FBXL6: variants seen among roughly 807,000 people sequenced by gnomAD.
FBXL6 encodes the protein F-box and leucine rich repeat protein 6.
FBXL6 carries 50 observed loss-of-function variants against 53.3 expected under a neutral mutation model. The ratio of observed to expected loss-of-function variants is 0.94; its 90% CI spans 0.75 to 1.19. The LOEUF (loss-of-function observed/expected upper bound fraction) is 1.19, where lower values mean the gene tolerates loss of function less well. Among genes scored for constraint, FBXL6 ranks in the 50% most tolerant of loss-of-function variants. The probability of loss-of-function intolerance (pLI) is 0.00; values close to 1 mark genes in which losing one functional copy is unlikely to be tolerated. For synonymous variants in FBXL6, 405 were observed against 322.9 expected, an observed-to-expected ratio of 1.25 and a Z score of -2.73; for missense variants, 815 against 719.0, an observed-to-expected ratio of 1.13 and a Z score of -1.53.
At position 144,357,649 on chromosome 8, in the gene FBXL6, A is replaced by G; in HGVS notation, c.554T>C (p.Leu185Pro). 6.2e-7 allele frequency: 1 copy of G among 1,610,176 alleles called. No homozygotes were observed. Among genetic ancestry groups the G allele is most frequent in the Non-Finnish European group, 8.5e-7 (1 of 1,178,258 alleles). Residue 185 changes from leucine (L) to proline (P), a missense_variant, in exon 2 of 9, where the codon CTG (leucine) becomes CCG (proline). Physicochemically the swap from Leu to Pro is moderately conservative, Grantham distance 98. Coordinates refer to ENST00000331890, the MANE Select transcript of FBXL6 (RefSeq NM_012162.4). ...VKAEKKLLASLEWLMPNRFSQ... is the reference protein window; with the variant it reads ...VKAEKKLLASPEWLMPNRFSQ... Reference sequence around the variant, plus strand: ...TCACCGATTGGGCATAAGCCACTCCAGGGAAGCAAGGAGCTTCTTCTCCGC... The same window carrying G: ...TCACCGATTGGGCATAAGCCACTCCGGGGAAGCAAGGAGCTTCTTCTCCGC...
At chr8:144,358,004 T>C in intron 1 of FBXL6, 28 bp downstream of exon 1, 1 of 1,572,708 alleles carries the variant, frequency 6.4e-7, no homozygotes, top group Non-Finnish European at 8.6e-7. Context: ...GCCGCTACGC[T>C]CGGCGGCGGG....
rs536483626 is a variant in FBXL6, at chr8:144,356,438, G to A, written c.1087C>T (p.Leu363=). The change falls in exon 7 of 9, where the codon CTG becomes TTG. Residue 363 remains leucine, a synonymous_variant. Transcript: ENST00000331890. ...ACAAAGTTGCAGGTTGAGCTCGCCAGGCAGAGCTCCTCTAGGCTAGGGAAG... is the reference window on the plus strand; with the variant it reads ...ACAAAGTTGCAGGTTGAGCTCGCCAAGCAGAGCTCCTCTAGGCTAGGGAAG... ...PGFPSLEELC[L]ASSTCNFVSN... The A allele has an allele frequency of 1.8e-4, 294 of 1,613,074 alleles. 3 individuals are homozygous for A. In the South Asian group the frequency reaches 2.9e-3, roughly 16 times the overall value.
Position 144,356,591 on chromosome 8 carries a change from G to T in FBXL6, c.993+9C>A, listed in dbSNP as rs375846700. 6.5e-5 allele frequency: 105 copies of T among 1,612,260 alleles called. 1 individual carries two copies. The highest frequency in any genetic ancestry group is 7.6e-5 in the Non-Finnish European group (90 of 1,179,456). On this transcript the variant is annotated intron_variant, in intron 6 of 8. Transcript: ENST00000331890. ...GTGTGACAGGTGGGAGAGGCAGGGC[G>T]CCAGGTACCTGGAGCTGAGGGCAGC...
chr8:144,356,956 G>T (rs1201934723), intron 4 of FBXL6, 34 bp downstream of exon 4: 1 of 1,612,978 alleles, frequency 6.2e-7, no homozygotes, highest in Non-Finnish European at 8.5e-7. Context: ...CCCGGCCTGG[G>T]TTTTTTCAGG....
rs781864548 is a variant in FBXL6, at chr8:144,357,510, G to A, written c.576-8C>T. Reference sequence around the variant, plus strand: ...CTCTGGAGCTGTGAAAACCTGGGCCGACAGCGGAGGCAGAGCTGCACTAAT... The same window carrying A: ...CTCTGGAGCTGTGAAAACCTGGGCCAACAGCGGAGGCAGAGCTGCACTAAT... On this transcript the variant is annotated splice_polypyrimidine_tract_variant and splice_region_variant and intron_variant, in intron 2 of 8. Coordinates refer to ENST00000331890, the MANE Select transcript of FBXL6 (RefSeq NM_012162.4). 2.5e-6 allele frequency: 4 copies of A among 1,613,216 alleles called. No individual in the cohort carries two copies. In the African/African-American group the frequency reaches 4.0e-5, roughly 16 times the overall value.
chr8:144,356,028 G>C lies in FBXL6; in HGVS notation c.1412C>G (p.Ser471Ter), dbSNP rs782703673. The C allele has an allele frequency of 1.2e-6, 2 of 1,613,092 alleles. No homozygotes were observed. Among genetic ancestry groups the C allele is most frequent in the Non-Finnish European group, 1.7e-6 (2 of 1,180,008 alleles). The change falls in exon 8 of 9, where the codon TCA becomes TGA. Residue 471 changes from serine (S) to a stop codon, truncating the protein, a stop_gained. Coordinates refer to ENST00000331890, the MANE Select transcript of FBXL6 (RefSeq NM_012162.4). LOFTEE classifies it high-confidence loss of function. ...GTTAAGAGAGCACAGGGCTGGGTGT[G>C]AGCCCCCAGGGGTGCTTAAGAAGGC... ...LAAFLSTPGG[S>*]HPALCSLNLR...
At chr8:144,357,891 C>T (rs374602988) in intron 1 of FBXL6, 105 bp from the exon 2 acceptor site, 5 of 1,439,048 alleles carry the variant, frequency 3.5e-6, no homozygotes, top group Non-Finnish European at 2.7e-6. Flanking sequence ...GGGACTCCAA[C>T]TGGGCGCCTA....
Position 144,356,589 on chromosome 8 carries a change from G to A in FBXL6, c.993+11C>T. On this transcript the variant is annotated intron_variant, in intron 6 of 8. Transcript: ENST00000331890. ...GGGTGTGACAGGTGGGAGAGGCAGG[G>A]CGCCAGGTACCTGGAGCTGAGGGCA... 6.2e-7 allele frequency: 1 copy of A among 1,612,876 alleles called. No individual in the cohort carries two copies. The highest frequency in any genetic ancestry group is 8.5e-7 in the Non-Finnish European group (1 of 1,179,872).
rs782155174 is a variant in FBXL6, at chr8:144,357,052, C to T, written c.709G>A (p.Ala237Thr). The change falls in exon 4 of 9, where the codon GCT becomes ACT. Residue 237 changes from alanine to threonine, a missense_variant. Ala to Thr is a moderately conservative substitution (Grantham distance 58). Coordinates refer to ENST00000331890, the MANE Select transcript of FBXL6 (RefSeq NM_012162.4). ...CAGGCTTTGGCTAGCATGACCAGAGCGTCAGCAGTCACACCGTGGCAGCCG... is the reference window on the plus strand; with the variant it reads ...CAGGCTTTGGCTAGCATGACCAGAGTGTCAGCAGTCACACCGTGGCAGCCG... ...LSGCHGVTAD[A>T]LVMLAKACCQ... is the part of the protein sequence containing the mutation. 16 of 1,612,804 alleles carry T rather than the reference C, an allele frequency of 9.9e-6. No individual in the cohort carries two copies. Among genetic ancestry groups the T allele is most frequent in the South Asian group, 8.8e-5 (8 of 91,088 alleles).
intron 3 of FBXL6, 59 bp downstream of exon 3, chr8:144,357,380 G>T: frequency 6.5e-7 from 1 of 1,540,626 alleles, no homozygotes; most frequent in Non-Finnish European, 8.8e-7. Context: ...CCACTTCCTA[G>T]AGTACTGAAC....
rs545935518 is a variant in FBXL6, at chr8:144,358,170, G to A, written c.278C>T (p.Pro93Leu). ...AGLRSEAAAA[P>L]APAPAPTPTP... The stretch of plus-strand genomic sequence containing the variant: ...GGGCGTGGGTGCCGGTGCGGGTGCG[G>A]GCGCGGCCGCCGCCTCGGACCTGAG... The change falls in exon 1 of 9, where the codon CCC becomes CTC. Residue 93 changes from proline (P) to leucine (L), a missense_variant. Pro to Leu is a moderately conservative substitution (Grantham distance 98). Coordinates refer to ENST00000331890, the MANE Select transcript of FBXL6 (RefSeq NM_012162.4). 4.0e-6 allele frequency: 6 copies of A among 1,484,890 alleles called. No homozygotes were observed. Among genetic ancestry groups the A allele is most frequent in the African/African-American group, 2.9e-5 (2 of 68,876 alleles). 92.0% of individuals were successfully genotyped at this position (1,484,890 alleles called of 1,614,324 possible).
At position 144,356,678 on chromosome 8, in the gene FBXL6, C is replaced by T; in HGVS notation, c.915G>A (p.Val305=). 2 of 1,612,670 alleles carry T rather than the reference C, an allele frequency of 1.2e-6. No homozygotes were observed. Among genetic ancestry groups the T allele is most frequent in the South Asian group, 2.2e-5 (2 of 91,068 alleles). Residue 305 remains valine, a synonymous_variant, in exon 6 of 9, where the codon GTG becomes GTA. Coordinates refer to ENST00000331890, the MANE Select transcript of FBXL6 (RefSeq NM_012162.4). The part of the protein sequence containing the change: ...SCCPQLQVLE[V]STGINRNSIP... Reference sequence around the variant, plus strand: ...TGCTATTACGGTTGATGCCGGTGCTCACCTCCAGGACCTGGAGCTGGGGGC... The same window carrying T: ...TGCTATTACGGTTGATGCCGGTGCTTACCTCCAGGACCTGGAGCTGGGGGC...
intron 2 of FBXL6, 33 bp from the exon 3 acceptor site, chr8:144,357,535 T>C (rs782151544): frequency 2.5e-6 from 4 of 1,613,104 alleles, no homozygotes; most frequent in Non-Finnish European, 2.5e-6. Flanking sequence ...GCTGCACTAA[T>C]GTTCCCACAC....
chr8:144,355,611 C>G lies in FBXL6; in HGVS notation c.1540G>C (p.Gly514Arg), dbSNP rs1818364317. ...NLESCRCLPR[G>R]LKRAYRGLEE... ...AGGCCCCGGTAGGCCCGCTTCAGAC[C>G]CCGGGGAAGGCAGCGGCAGGACTCC... The change falls in exon 9 of 9, where the codon GGT (glycine) becomes CGT (arginine). Residue 514 changes from glycine (G) to arginine (R), a missense_variant. By Grantham distance (125) the Gly-to-Arg change is moderately radical. Transcript: ENST00000331890. The G allele has an allele frequency of 6.2e-7, 1 of 1,611,312 alleles. No individual in the cohort carries two copies. Among genetic ancestry groups the G allele is most frequent in the Non-Finnish European group, 8.5e-7 (1 of 1,179,964 alleles).
chr8:144,355,909 C>A (rs1818381422), intron 8 of FBXL6, 59 bp downstream of exon 8: 11 of 1,598,718 alleles, frequency 6.9e-6, no homozygotes, highest in Non-Finnish European at 9.4e-6. Flanking sequence ...ACTTCCAGGC[C>A]CCAGGCAGAC....
chr8:144,355,733 C>T (rs1416267589), intron 8 of FBXL6, 55 bp from the exon 9 acceptor site: 9 of 1,595,162 alleles, frequency 5.6e-6, no homozygotes, highest in Non-Finnish European at 6.8e-6. Context: ...AGGGCTGGGC[C>T]AGGCTAGGGA....
intron 8 of FBXL6, 77 bp downstream of exon 8, chr8:144,355,891 A>G: frequency 1.3e-6 from 2 of 1,588,126 alleles, no homozygotes; most frequent in South Asian, 1.1e-5. Context: ...CAGGCCAGGC[A>G]GGACACAACT....
At chr8:144,357,186 G>C (rs1364303863) in intron 3 of FBXL6, 65 bp from the exon 4 acceptor site, 2 of 1,600,034 alleles carry the variant, frequency 1.2e-6, no homozygotes, top group Non-Finnish European at 1.7e-6. Flanking sequence ...AAGGGAAACA[G>C]ACAAGTGGCT....
Position 144,358,416 on chromosome 8 carries a change from C to T in FBXL6, c.32G>A (p.Arg11His), listed in dbSNP as rs1818575500. Residue 11 changes from arginine (R) to histidine (H), a missense_variant, in exon 1 of 9, where the codon CGC becomes CAC. Coordinates refer to ENST00000331890, the MANE Select transcript of FBXL6 (RefSeq NM_012162.4). MAAPASRQVR[R>H]RARAAPRPRS... ...GGGCCGCGGCGCTGCCCGGGCTCTG[C>T]GTCGGACCTGCCGGGAGGCTGGGGC... 2 of 1,246,370 alleles carry T rather than the reference C, an allele frequency of 1.6e-6. No individual in the cohort carries two copies. The highest frequency in any genetic ancestry group is 2.0e-6 in the Non-Finnish European group (2 of 996,020). The allele number at this position is 1,246,370 out of a possible 1,614,324, so 77.2% of individuals were successfully genotyped here. A position where few individuals can be genotyped will look rare whatever the true frequency, so the allele number is the denominator to read the frequency against.
Sources: allele counts gnomAD v4.1 joint callset, GRCh38; gene constraint gnomAD v4.1.1; transcripts MANE v1.5; gene names NCBI Gene and HGNC (gene_info 2026-07-23, HGNC 2026-07-21).